The following VPS33A variants were observed in gnomAD, a reference collection of about 807,000 sequenced individuals.
VPS33A encodes vacuolar protein sorting-associated protein 33A.
In VPS33A, 32 loss-of-function variants were observed where a neutral mutation model predicts 71.8. That is an observed-to-expected ratio of 0.45 (90% CI 0.34 to 0.60). VPS33A has a LOEUF of 0.60. VPS33A is among the 20% of genes least tolerant of loss of function. The pLI is 0.02. For synonymous variants in VPS33A, 311 were observed against 292.7 expected (o/e 1.06, Z -0.64); for missense variants, 625 against 748.5 (o/e 0.84, Z 1.92).
intron 6 of VPS33A, among the ~76,000 whole-genome samples, chr12:122,247,832 T>C (rs1954795409): frequency 6.6e-6 from 1 of 152,194 alleles, no homozygotes; most frequent in Non-Finnish European, 1.5e-5. Context: ...CGTTTCCCTC[T>C]GAATTGCAGG....
intron 4 of VPS33A, among the ~76,000 whole-genome samples, chr12:122,260,827 C>A (rs1320319423): frequency 6.6e-6 from 1 of 151,966 alleles, no homozygotes; most frequent in Non-Finnish European, 1.5e-5. Flanking sequence ...ATACAAAAAT[C>A]AGCTAAGCAT....
intron 11 of VPS33A, among the ~76,000 whole-genome samples, chr12:122,234,671 G>A (rs572953130): frequency 6.6e-6 from 1 of 152,162 alleles, no homozygotes; most frequent in Non-Finnish European, 1.5e-5. Context: ...AATGCTCTGT[G>A]CCCGGAGATG....
intron 1 of VPS33A, chr12:122,264,921 ATCT>A (rs746636669): frequency 3.3e-5 from 5 of 151,186 alleles, no homozygotes; most frequent in African/African-American, 4.9e-5. Flanking sequence ...GGTATTACAA[ATCT>A]TATTTTGGCA....
intron 4 of VPS33A, 89 bp from the exon 5 acceptor site, chr12:122,251,188 A>G: frequency 2.4e-6 from 2 of 848,528 alleles, no homozygotes; most frequent in South Asian, 3.1e-5. Flanking sequence ...AGCGACAGAC[A>G]ATAAAATCAT....
chr12:122,250,890 C>A (rs377595947), intron 5 of VPS33A, 93 bp downstream of exon 5: 1 of 871,190 alleles, frequency 1.1e-6, no homozygotes, highest in Non-Finnish European at 1.9e-6. Flanking sequence ...TAATTAAGAT[C>A]AACTGAATTT....
intron 6 of VPS33A, among the ~76,000 whole-genome samples, chr12:122,246,681 C>T (rs1393714482): frequency 6.6e-6 from 1 of 152,060 alleles, no homozygotes; most frequent in Non-Finnish European, 1.5e-5. Flanking sequence ...CTCACTGCAA[C>T]CTCCACCTCC....
intron 6 of VPS33A, among the ~76,000 whole-genome samples, chr12:122,245,139 T>C (rs139805771): frequency 5.3e-4 from 80 of 152,274 alleles, no homozygotes; most frequent in Middle Eastern, 3.4e-3. Flanking sequence ...GGGTTGCAAG[T>C]AGCATCTTAA....
rs150472752 is a variant in VPS33A at position 122,263,660 on chromosome 12, G to A, written c.208C>T (p.Arg70Cys). The A allele has an allele frequency of 1.1e-5, 17 of 1,612,978 alleles. No homozygotes were observed. The highest frequency in any genetic ancestry group is 3.3e-5 in the Admixed American group (2 of 59,978). ...VEKMFTLKGN[R>C]LPAADVKNII... is the part of the protein sequence containing the mutation. ...TTCTTCACATCAGCTGCCGGCAAAC[G>A]ATTTCCTTTAAGTGTGAACATTTTT... The change falls in exon 3 of 13, where the codon CGT becomes TGT. Residue 70 changes from arginine (R) to cysteine (C), a missense_variant. By Grantham distance (180) the Arg-to-Cys change is radical. Transcript: ENST00000267199.
chr12:122,259,193 GTA>G lies in VPS33A; in HGVS notation c.483+2066_483+2067del, dbSNP rs1566051487. Among the ~76,000 whole-genome samples, 79 of 126,164 alleles carry G rather than the reference GTA, an allele frequency of 6.3e-4. 1 individual carries two copies. Among genetic ancestry groups the G allele is most frequent in the African/African-American group, 1.7e-3 (66 of 38,836 alleles). The allele number at this position is 126,164 out of a possible 152,430, so 82.8% of individuals were successfully genotyped here. A position where few individuals can be genotyped will look rare whatever the true frequency, so the allele number is the denominator to read the frequency against. ...TGTGTGTGTGTATGTATGTGTGTAT[GTA>G]TGTATGTATGTATGTATGTATGTAT... On this transcript the variant is annotated intron_variant, in intron 4 of 12. Coordinates refer to ENST00000267199, the MANE Select transcript of VPS33A (RefSeq NM_022916.6).
At chr12:122,262,181 A>G (rs1955003782) in intron 3 of VPS33A, among the ~76,000 whole-genome samples, 1 of 152,134 alleles carries the variant, frequency 6.6e-6, no homozygotes. Flanking sequence ...ACAGAGTGAG[A>G]CTGTGTCTCA....
At position 122,229,979 on chromosome 12, in the gene VPS33A, G is replaced by C. The variant is rs946168331; in HGVS notation, c.*2267C>G. ...GGAGACTTGACCAGACTTGAATTGA[G>C]CCCCAGGAACCAAAAAATGGAGGGG... On this transcript the variant is annotated 3_prime_UTR_variant, in exon 13 of 13. Transcript: ENST00000267199. 1 of 152,102 alleles carries C rather than the reference G, an allele frequency of 6.6e-6. No homozygotes were observed. The highest frequency in any genetic ancestry group is 2.4e-5 in the African/African-American group (1 of 41,414). The allele number at this position is 152,102 out of a possible 1,614,324, so 9.4% of individuals were successfully genotyped here. A position where few individuals can be genotyped will look rare whatever the true frequency, so the allele number is the denominator to read the frequency against.
chr12:122,263,548 G>A lies in VPS33A; in HGVS notation c.296+24C>T, dbSNP rs144732344. ...GCATTATAAGAACCAAACTCTTTTG[G>A]ATCAAACACAAGCTCTGAGATACCT... On this transcript the variant is annotated intron_variant, in intron 3 of 12. Coordinates refer to ENST00000267199, the MANE Select transcript of VPS33A (RefSeq NM_022916.6). The A allele has an allele frequency of 8.9e-6, 14 of 1,575,174 alleles. No individual in the cohort carries two copies. In the East Asian group the frequency reaches 2.5e-4, roughly 28 times the overall value.
chr12:122,250,607 C>T (rs189037463), intron 5 of VPS33A, among the ~76,000 whole-genome samples: 29 of 152,250 alleles, frequency 1.9e-4, no homozygotes, highest in African/African-American at 6.3e-4. Flanking sequence ...CACCTCAGTC[C>T]TACATTTGCA....
intron 6 of VPS33A, 65 bp downstream of exon 6, chr12:122,249,806 G>A: frequency 6.9e-7 from 1 of 1,445,596 alleles, no homozygotes; most frequent in Non-Finnish European, 9.4e-7. Flanking sequence ...TATACAAACA[G>A]TAGCCTCCAC....
At chr12:122,238,766 TACATACACACAC>T in intron 9 of VPS33A, 42 bp from the exon 10 acceptor site, 1 of 1,354,076 alleles carries the variant, frequency 7.4e-7, no homozygotes, top group Non-Finnish European at 1.0e-6. Context: ...CATTTACATA[TACATACACACAC>T]ACACACACAC....
intron 6 of VPS33A, among the ~76,000 whole-genome samples, chr12:122,247,586 GTC>G (rs926321404): frequency 5.3e-5 from 8 of 152,136 alleles, no homozygotes; most frequent in Admixed American, 2.0e-4. Flanking sequence ...CCTCATGCAT[GTC>G]TCTCTCTCCG....
chr12:122,236,162 T>C (rs933621093), intron 10 of VPS33A, among the ~76,000 whole-genome samples: 4 of 152,172 alleles, frequency 2.6e-5, no homozygotes, highest in Non-Finnish European at 4.4e-5. Flanking sequence ...AAATTTTTAC[T>C]TTAAAGTCAG....
intron 10 of VPS33A, among the ~76,000 whole-genome samples, chr12:122,237,645 G>A (rs1954647735): frequency 7.3e-6 from 1 of 137,178 alleles, no homozygotes; most frequent in Non-Finnish European, 1.5e-5. Flanking sequence ...CCGGGTTCAC[G>A]CCATTCTCCT....
chr12:122,239,105 C>G (rs1332428782), intron 9 of VPS33A, among the ~76,000 whole-genome samples: 1 of 152,200 alleles, frequency 6.6e-6, no homozygotes, highest in African/African-American at 2.4e-5. Context: ...CTGGACACGT[C>G]TGTCTCTAAG....
Sources: gnomAD v4.1 joint callset for allele counts (sites outside exome capture counted in the v4.1 genomes callset) on GRCh38, gnomAD v4.1.1 for gene constraint, MANE v1.5 for transcripts, NCBI Gene and HGNC (gene_info 2026-07-23, HGNC 2026-07-21) for gene names.